Variants in KIF2A observed in about 807,000 individuals in gnomAD.
KIF2A encodes kinesin family member 2A.
Under a neutral mutation model 100.2 loss-of-function variants are expected in KIF2A, and 22 were observed. The ratio of observed to expected loss-of-function variants is 0.22; its 90% CI spans 0.16 to 0.31. KIF2A has a LOEUF of 0.31. Among genes scored for constraint, KIF2A ranks in the 10% least tolerant of loss-of-function variants. The pLI is 1.00. For missense variants in KIF2A, 495 were observed against 898.7 expected (o/e 0.55, Z 5.74); for synonymous variants, 268 against 285.9 (o/e 0.94, Z 0.63).
At chr5:62,328,679 C>T (rs940090895) in intron 1 of KIF2A, among the ~76,000 whole-genome samples, 15 of 151,778 alleles carry the variant, frequency 9.9e-5, no homozygotes, top group South Asian at 6.3e-4. Context: ...TTAGTAGAGA[C>T]GGGGTTTCTC....
At chr5:62,315,029 T>G (rs543558625) in intron 1 of KIF2A, among the ~76,000 whole-genome samples, 1 of 152,022 alleles carries the variant, frequency 6.6e-6, no homozygotes, top group South Asian at 2.1e-4. Flanking sequence ...TCCCAAAGTG[T>G]TGGGATTATA....
rs1469491629 is a variant in KIF2A, at chr5:62,362,354, T to TAAAG, written c.1028-94_1028-91dup. ...TTATTATTGATACTGTTATCCTAGG[T>TAAAG]AAAGAGTAACTGATTCCTCTAGAAA... On this transcript the variant is annotated intron_variant, in intron 11 of 20. Coordinates refer to ENST00000407818, the MANE Select transcript of KIF2A (RefSeq NM_001098511.3). The TAAAG allele has an allele frequency of 1.0e-5, 5 of 496,266 alleles. No individual in the cohort carries two copies. In the African/African-American group the frequency reaches 1.0e-4, roughly 10 times the overall value. The allele number at this position is 496,266 out of a possible 1,614,324, so 30.7% of individuals were successfully genotyped here.
intron 1 of KIF2A, among the ~76,000 whole-genome samples, chr5:62,338,051 A>T (rs1402395324): frequency 6.6e-6 from 1 of 152,202 alleles, no homozygotes; most frequent in Non-Finnish European, 1.5e-5. Flanking sequence ...ACAATAAGAC[A>T]GGAGGGCTTA....
chr5:62,370,151 GT>G (rs1327338743), intron 16 of KIF2A, among the ~76,000 whole-genome samples: 1 of 152,150 alleles, frequency 6.6e-6, no homozygotes, highest in African/African-American at 2.4e-5. Context: ...TGAAAGCAAT[GT>G]TTTTTCATAT....
At chr5:62,336,045 A>G (rs1431273252) in intron 1 of KIF2A, among the ~76,000 whole-genome samples, 2 of 152,204 alleles carry the variant, frequency 1.3e-5, no homozygotes, top group African/African-American at 4.8e-5. Flanking sequence ...AAATAGTATA[A>G]TAAAGTTCAT....
Position 62,325,516 on chromosome 5 carries a change from A to G in KIF2A, c.64+18980A>G, listed in dbSNP as rs555428513. On this transcript the variant is annotated intron_variant, in intron 1 of 20. Coordinates refer to ENST00000407818, the MANE Select transcript of KIF2A (RefSeq NM_001098511.3). ...AGATACTTCTCAAAAGAAGACATAC[A>G]TGTGGCCAACAGGTATATGAAAAAA... Among the ~76,000 whole-genome samples the G allele has an allele frequency of 1.2e-3, 179 of 152,324 alleles. 2 individuals are homozygous for G. Among genetic ancestry groups the G allele is most frequent in the African/African-American group, 2.9e-4 (12 of 41,578 alleles).
At chr5:62,348,027 A>G (rs2111909821) in intron 2 of KIF2A, 21 bp from the exon 3 acceptor site, 3 of 1,608,620 alleles carry the variant, frequency 1.9e-6, no homozygotes, top group South Asian at 1.1e-5. Flanking sequence ...TCAAAAGACT[A>G]TGTGTATGTG....
At chr5:62,359,645 T>C (rs1748290959) in intron 9 of KIF2A, among the ~76,000 whole-genome samples, 1 of 152,228 alleles carries the variant, frequency 6.6e-6, no homozygotes, top group Admixed American at 6.5e-5. Flanking sequence ...ACTTTTATAA[T>C]AGTTTTTAAG....
intron 9 of KIF2A, among the ~76,000 whole-genome samples, chr5:62,360,777 A>G (rs1327070814): frequency 6.6e-6 from 1 of 152,192 alleles, no homozygotes; most frequent in Non-Finnish European, 1.5e-5. Flanking sequence ...TCATTTTCCT[A>G]CAAGCACAAT....
chr5:62,373,148 G>T (rs562708492), intron 17 of KIF2A, among the ~76,000 whole-genome samples: 159 of 151,888 alleles, frequency 1.0e-3, no homozygotes, highest in African/African-American at 3.5e-3. Flanking sequence ...CTTTTCAAAT[G>T]ATAAAACTTA....
At position 62,357,458 on chromosome 5, in the gene KIF2A, G is replaced by A. The variant is rs544292954; in HGVS notation, c.655-233G>A. Among the ~76,000 whole-genome samples, 15 of 152,274 alleles carry A rather than the reference G, an allele frequency of 9.9e-5. No individual in the cohort carries two copies. In the South Asian group the frequency reaches 3.1e-3, roughly 32 times the overall value. On this transcript the variant is annotated intron_variant, in intron 7 of 20. Transcript: ENST00000407818. ...CCTCTACAGAATTATTTCCTAAAGTGATGGTTTTCCAAATAACAAAATAAG... is the reference window on the plus strand; with the variant it reads ...CCTCTACAGAATTATTTCCTAAAGTAATGGTTTTCCAAATAACAAAATAAG...
At chr5:62,359,995 T>G (rs10062264) in intron 9 of KIF2A, among the ~76,000 whole-genome samples, 29,040 of 151,832 alleles carry the variant, frequency 0.19, 2,989 homozygotes, top group East Asian at 0.39. Flanking sequence ...ATCTTTTTTT[T>G]TTTTTGTTTT....
At chr5:62,360,770 T>C (rs556487966) in intron 9 of KIF2A, among the ~76,000 whole-genome samples, 1 of 152,362 alleles carries the variant, frequency 6.6e-6, no homozygotes, top group East Asian at 1.9e-4. Flanking sequence ...ATAGAATTCA[T>C]TTTCCTACAA....
intron 16 of KIF2A, among the ~76,000 whole-genome samples, chr5:62,371,134 G>T (rs1404180943): frequency 6.6e-6 from 1 of 151,984 alleles, no homozygotes; most frequent in Non-Finnish European, 1.5e-5. Context: ...GGGGGTGGTG[G>T]CACACCAGTG....
rs1162211926 is a variant in KIF2A at position 62,390,970 on chromosome 5, C to A, written c.*5401C>A. 1.7e-5 allele frequency: 27 copies of A among 1,613,208 alleles called. No homozygotes were observed. Among genetic ancestry groups the A allele is most frequent in the Non-Finnish European group, 2.1e-5 (25 of 1,179,608 alleles). On this transcript the variant is annotated 3_prime_UTR_variant, in exon 21 of 21. Coordinates refer to ENST00000407818, the MANE Select transcript of KIF2A (RefSeq NM_001098511.3). ...TGTATTTTATCTGCTATGCTGAAAT[C>A]TTCTGGTATTATCTATCAATATAAG...
chr5:62,318,996 T>G (rs576575099), intron 1 of KIF2A, among the ~76,000 whole-genome samples: 4 of 152,210 alleles, frequency 2.6e-5, no homozygotes, highest in Non-Finnish European at 5.9e-5. Context: ...TTCTTGACCT[T>G]ATAGCCTTAT....
chr5:62,347,998 T>C, intron 2 of KIF2A, 50 bp from the exon 3 acceptor site: 1 of 1,575,872 alleles, frequency 6.3e-7, no homozygotes, highest in Non-Finnish European at 8.6e-7. Flanking sequence ...AGTAAAAGGT[T>C]AATTGTCAAA....
rs1390562706 is a variant in KIF2A at position 62,386,149 on chromosome 5, A to G, written c.*580A>G. On this transcript the variant is annotated 3_prime_UTR_variant, in exon 21 of 21. Transcript: ENST00000407818. ...TGTGTGTACATTTTTACTGTATTTGAGACATTTTTTGTGTGTGACTAGTTA... is the reference window on the plus strand; with the variant it reads ...TGTGTGTACATTTTTACTGTATTTGGGACATTTTTTGTGTGTGACTAGTTA... 2.6e-5 allele frequency: 4 copies of G among 152,826 alleles called. No individual in the cohort carries two copies. The highest frequency in any genetic ancestry group is 5.9e-5 in the Non-Finnish European group (4 of 68,208). The allele number at this position is 152,826 out of a possible 1,614,324, so 9.5% of individuals were successfully genotyped here. A position where few individuals can be genotyped will look rare whatever the true frequency, so the allele number is the denominator to read the frequency against.
intron 1 of KIF2A, chr5:62,306,792 CGCGTCTCCGG>C: frequency 2.2e-6 from 1 of 462,334 alleles, no homozygotes; most frequent in Non-Finnish European, 3.8e-6. Context: ...TGTCGAGGGT[CGCGTCTCCGG>C]GGGTCTCTGG....
Sources: allele counts gnomAD v4.1 joint callset (sites outside exome capture counted in the v4.1 genomes callset), GRCh38; gene constraint gnomAD v4.1.1; transcripts MANE v1.5; gene names NCBI Gene and HGNC (gene_info 2026-07-23, HGNC 2026-07-21).